The following TAF8 variants were observed in gnomAD, a reference collection of about 807,000 sequenced individuals.
TAF8 encodes the protein TATA-box binding protein associated factor 8, also known as transcription initiation factor TFIID subunit 8.
A neutral mutation model predicts 36.5 loss-of-function variants in TAF8; 47 were observed. That is an observed-to-expected ratio of 1.29 (90% CI 1.02 to 1.64). The LOEUF (loss-of-function observed/expected upper bound fraction) is 1.64, where lower values mean the gene tolerates loss of function less well. Among genes scored for constraint, TAF8 ranks in the 40% most tolerant of loss-of-function variants. The pLI is 0.00. For synonymous variants in TAF8, 175 were observed against 159.5 expected (o/e 1.10, Z -0.73); for missense variants, 420 against 407.6 (o/e 1.03, Z -0.26).
At chr6:42,062,081 G>A (rs1237705747) in intron 5 of TAF8, among the ~76,000 whole-genome samples, 4 of 151,308 alleles carry the variant, frequency 2.6e-5, no homozygotes, top group Non-Finnish European at 4.4e-5. Flanking sequence ...TTCACCCAAA[G>A]GAGAAAAGAA....
chr6:42,077,568 T>C lies in TAF8; in HGVS notation c.*23T>C. On this transcript the variant is annotated 3_prime_UTR_variant, in exon 9 of 9. Transcript: ENST00000372977. ...TGAGCTGAGAAGGAAACCTGGCTTGTACAGGGGCGCAGATTCCACCCTCCC... is the reference window on the plus strand; with the variant it reads ...TGAGCTGAGAAGGAAACCTGGCTTGCACAGGGGCGCAGATTCCACCCTCCC... 6.2e-7 allele frequency: 1 copy of C among 1,612,040 alleles called. No individual in the cohort carries two copies.
intron 7 of TAF8, among the ~76,000 whole-genome samples, chr6:42,070,383 T>C (rs541595018): frequency 2.1e-4 from 32 of 152,154 alleles, no homozygotes; most frequent in Non-Finnish European, 3.8e-4. Context: ...TCCCAGCTAT[T>C]TGGGAGCCCG....
intron 7 of TAF8, among the ~76,000 whole-genome samples, chr6:42,069,930 G>A (rs1765507751): frequency 6.6e-6 from 1 of 152,196 alleles, no homozygotes; most frequent in Admixed American, 6.5e-5. Flanking sequence ...GGAAGTAAGT[G>A]TTTCAGGGAG....
At position 42,080,224 on chromosome 6, in the gene TAF8, A is replaced by C; in HGVS notation, c.*2679A>C. On this transcript the variant is annotated 3_prime_UTR_variant, in exon 9 of 9. Transcript: ENST00000372977. ...CACTGCTCTTGGGAGGTGTTGTCCCAGTCAGTGTTTCTGCAGCTTCCATTT... is the reference window on the plus strand; with the variant it reads ...CACTGCTCTTGGGAGGTGTTGTCCCCGTCAGTGTTTCTGCAGCTTCCATTT... 1 of 985,550 alleles carries C rather than the reference A, an allele frequency of 1.0e-6. No homozygotes were observed. The highest frequency in any genetic ancestry group is 1.2e-6 in the Non-Finnish European group (1 of 830,026). 61.1% of individuals were successfully genotyped at this position (985,550 alleles called of 1,614,324 possible). A position where few individuals can be genotyped will look rare whatever the true frequency, so the allele number is the denominator to read the frequency against.
chr6:42,070,447 G>A (rs528605667), intron 7 of TAF8, among the ~76,000 whole-genome samples: 26 of 152,282 alleles, frequency 1.7e-4, no homozygotes, highest in Non-Finnish European at 2.4e-4. Flanking sequence ...AGCCAAGATC[G>A]CGCCACTGCA....
chr6:42,067,712 C>G (rs1359142542), intron 6 of TAF8, among the ~76,000 whole-genome samples: 1 of 152,098 alleles, frequency 6.6e-6, no homozygotes, highest in Non-Finnish European at 1.5e-5. Context: ...GGACTACAGG[C>G]ATGCACTATT....
At position 42,077,680 on chromosome 6, in the gene TAF8, A is replaced by G. The variant is rs1165392332; in HGVS notation, c.*135A>G. 1.3e-6 allele frequency: 2 copies of G among 1,513,934 alleles called. No homozygotes were observed. Among genetic ancestry groups the G allele is most frequent in the African/African-American group, 2.8e-5 (2 of 71,484 alleles). 93.8% of individuals were successfully genotyped at this position (1,513,934 alleles called of 1,614,324 possible). A position where few individuals can be genotyped will look rare whatever the true frequency, so the allele number is the denominator to read the frequency against. The stretch of plus-strand genomic sequence containing the variant: ...CAGGGTGTGATCGGACATGATTTTC[A>G]TGGCAAACCGTCTTATTAAGATGAC... On this transcript the variant is annotated 3_prime_UTR_variant, in exon 9 of 9. Transcript: ENST00000372977.
Position 42,066,325 on chromosome 6 carries a change from C to G in TAF8, c.503C>G (p.Pro168Arg). ...TYIKTPTYRE[P>R]VSDYQVLREK... ...CTCTCTTCGTAGACGTACCGTGAGC[C>G]CGTGTCAGACTACCAGGTCCTGCGG... is the stretch of plus-strand genomic sequence containing the variant. Residue 168 changes from proline to arginine, a missense_variant, in exon 6 of 9, where the codon CCC (proline) becomes CGC (arginine). Coordinates refer to ENST00000372977, the MANE Select transcript of TAF8 (RefSeq NM_138572.3). The G allele has an allele frequency of 6.2e-7, 1 of 1,614,054 alleles. No individual in the cohort carries two copies. The highest frequency in any genetic ancestry group is 8.5e-7 in the Non-Finnish European group (1 of 1,180,026).
intron 4 of TAF8, among the ~76,000 whole-genome samples, chr6:42,056,645 C>T (rs960454527): frequency 2.6e-5 from 4 of 152,130 alleles, no homozygotes; most frequent in Non-Finnish European, 2.9e-5. Flanking sequence ...CTCTGTTGCC[C>T]AGGCTGGAGT....
In TAF8 at chr6:42,081,300, C is replaced by T. The variant is rs1261640744; in HGVS notation, c.*3755C>T. On this transcript the variant is annotated 3_prime_UTR_variant, in exon 9 of 9. Transcript: ENST00000372977. ...CAAATGATTCTACTGCCTCAGCTTC[C>T]TGAGTAGCTGGGATTATAGGTATCT... is the stretch of plus-strand genomic sequence containing the variant. 1.3e-5 allele frequency: 2 copies of T among 151,480 alleles called. No individual in the cohort carries two copies. The highest frequency in any genetic ancestry group is 6.6e-5 in the Admixed American group (1 of 15,112). 9.4% of individuals were successfully genotyped at this position (151,480 alleles called of 1,614,324 possible). A position where few individuals can be genotyped will look rare whatever the true frequency, so the allele number is the denominator to read the frequency against.
At chr6:42,072,912 G>A (rs1467985438) in intron 7 of TAF8, among the ~76,000 whole-genome samples, 31 of 151,530 alleles carry the variant, frequency 2.0e-4, no homozygotes, top group African/African-American at 6.0e-4. Flanking sequence ...TTTAGTAGAG[G>A]CGGGGTTTCA....
chr6:42,076,586 A>G (rs1404858824), intron 7 of TAF8, among the ~76,000 whole-genome samples: 2 of 152,126 alleles, frequency 1.3e-5, no homozygotes, highest in Non-Finnish European at 1.5e-5. Context: ...CTGTGCTGGG[A>G]TGTGATTGTT....
chr6:42,084,071 C>T (rs1765990786), downstream of TAF8, among the ~76,000 whole-genome samples: 1 of 151,204 alleles, frequency 6.6e-6, no homozygotes, highest in Non-Finnish European at 1.5e-5. Context: ...GTCCCAGCTA[C>T]TCGGGAGGCT....
chr6:42,074,127 AAAAG>A (rs924455477), intron 7 of TAF8, among the ~76,000 whole-genome samples: 17 of 152,294 alleles, frequency 1.1e-4, no homozygotes, highest in African/African-American at 3.9e-4. Flanking sequence ...GTTTAAAAAT[AAAAG>A]AAAGAAAACA....
At chr6:42,064,929 C>G (rs1194226421) in intron 5 of TAF8, among the ~76,000 whole-genome samples, 1 of 132,352 alleles carries the variant, frequency 7.6e-6, no homozygotes, top group Non-Finnish European at 1.6e-5. Flanking sequence ...TGCACTCCAG[C>G]CTGGGTGACA....
downstream of TAF8, among the ~76,000 whole-genome samples, chr6:42,085,929 G>A (rs970212384): frequency 3.3e-5 from 5 of 152,336 alleles, no homozygotes; most frequent in South Asian, 2.1e-4. Context: ...AGGTTGCAGT[G>A]AGCCAAGATC....
chr6:42,086,925 C>T, downstream of TAF8: 1 of 689,250 alleles, frequency 1.5e-6, no homozygotes, highest in Admixed American at 2.4e-5. Context: ...CAGGCGCAGC[C>T]ATCGGGAAGG....
chr6:42,072,531 T>C (rs1765614593), intron 7 of TAF8, among the ~76,000 whole-genome samples: 1 of 152,114 alleles, frequency 6.6e-6, no homozygotes, highest in South Asian at 2.1e-4. Flanking sequence ...CTCTTCTTGC[T>C]TTTTTCCTGG....
In TAF8 at chr6:42,060,047, A is replaced by G. The variant is rs1157660138; in HGVS notation, c.489+2534A>G. Among the ~76,000 whole-genome samples the G allele has an allele frequency of 2.6e-5, 4 of 152,210 alleles. No homozygotes were observed. The East Asian group carries it at 5.8e-4, about 22-fold the overall frequency. On this transcript the variant is annotated intron_variant, in intron 5 of 8. Coordinates refer to ENST00000372977, the MANE Select transcript of TAF8 (RefSeq NM_138572.3). Reference sequence around the variant, plus strand: ...GCCTGGCTAGGCGTTCATGGCTTGCATGGCACAAACATTAGTACTCTGTAG... The same window carrying G: ...GCCTGGCTAGGCGTTCATGGCTTGCGTGGCACAAACATTAGTACTCTGTAG...
Sources: allele counts gnomAD v4.1 joint callset (sites outside exome capture counted in the v4.1 genomes callset), GRCh38; gene constraint gnomAD v4.1.1; transcripts MANE v1.5; gene names NCBI Gene and HGNC (gene_info 2026-07-23, HGNC 2026-07-21).